The following CEP170 variants were observed in gnomAD, a reference collection of about 807,000 sequenced individuals.
CEP170 encodes the protein centrosomal protein 170, also known as centrosomal protein of 170 kDa.
In CEP170, 21 loss-of-function variants were observed where a neutral mutation model predicts 151.9. That is an observed-to-expected ratio of 0.14 (90% confidence interval 0.10 to 0.20). CEP170 has a LOEUF of 0.20. Ranked by LOEUF, CEP170 falls within the 10% of genes least tolerant of loss-of-function variation. The pLI is 1.00. For missense variants in CEP170, 964 were observed against 1,892.9 expected (o/e 0.51, Z 9.11); for synonymous variants, 356 against 648.8 (o/e 0.55, Z 6.86).
At position 243,225,897 on chromosome 1, in the gene CEP170, C is replaced by G. The variant is rs548424060; in HGVS notation, c.-41-576G>C. 1.7e-4 allele frequency among the ~76,000 whole-genome samples: 26 copies of G among 151,542 alleles called. No individual in the cohort carries two copies. The South Asian group carries it at 5.2e-3, about 30-fold the overall frequency. On this transcript the variant is annotated intron_variant, in intron 1 of 19. Coordinates refer to ENST00000366542, the MANE Select transcript of CEP170 (RefSeq NM_014812.3). ...CCTAGAACAGCAATTCTGAAACATT[C>G]TGTTCTTGGGACCCTTTTATACTCT...
At position 243,185,433 on chromosome 1, in the gene CEP170, C is replaced by T. The variant is rs1442339325; in HGVS notation, c.1566+346G>A. Among the ~76,000 whole-genome samples, 1 of 152,156 alleles carries T rather than the reference C, an allele frequency of 6.6e-6. No individual in the cohort carries two copies. The highest frequency in any genetic ancestry group is 1.5e-5 in the Non-Finnish European group (1 of 68,026). ...TACATTTATGTTAACAGAGTTATAGCAATGTTTGTTGGTTGTTTCTTTTTA... is the reference window on the plus strand; with the variant it reads ...TACATTTATGTTAACAGAGTTATAGTAATGTTTGTTGGTTGTTTCTTTTTA... On this transcript the variant is annotated intron_variant, in intron 10 of 19. Coordinates refer to ENST00000366542, the MANE Select transcript of CEP170 (RefSeq NM_014812.3). This position sits in a 1 kb window ranked among gnomAD's most constrained non-coding sequence, Gnocchi z 4.9.
chr1:243,217,767 G>A (rs568224838), intron 3 of CEP170, among the ~76,000 whole-genome samples: 3 of 152,286 alleles, frequency 2.0e-5, no homozygotes, highest in East Asian at 1.9e-4. Flanking sequence ...AATGAGTTTT[G>A]TTTCTTTGTC....
At chr1:243,184,729 T>G (rs547383577) in intron 10 of CEP170, among the ~76,000 whole-genome samples, 1 of 152,026 alleles carries the variant, frequency 6.6e-6, no homozygotes, top group Non-Finnish European at 1.5e-5. Flanking sequence ...CCCAAAGGGT[T>G]ATCTTATCTT....
chr1:243,207,155 GAAC>G (rs955718799), intron 4 of CEP170, among the ~76,000 whole-genome samples: 1 of 152,070 alleles, frequency 6.6e-6, no homozygotes, highest in Non-Finnish European at 1.5e-5. Flanking sequence ...AAAAAAGTAA[GAAC>G]AACTATATGC....
At chr1:243,234,163 C>G (rs1249885620) in intron 1 of CEP170, among the ~76,000 whole-genome samples, 1 of 152,076 alleles carries the variant, frequency 6.6e-6, no homozygotes, top group Non-Finnish European at 1.5e-5. Context: ...AAATAGCTGG[C>G]CTCACATTAG....
At chr1:243,173,866 C>A (rs556263473) in intron 10 of CEP170, among the ~76,000 whole-genome samples, 1 of 151,930 alleles carries the variant, frequency 6.6e-6, no homozygotes, top group Admixed American at 6.6e-5. Flanking sequence ...GTTGAAAAAC[C>A]ATAAACATGT....
At chr1:243,152,601 G>A (rs552701509) in intron 14 of CEP170, among the ~76,000 whole-genome samples, 2 of 124,096 alleles carry the variant, frequency 1.6e-5, no homozygotes, top group South Asian at 2.8e-4. Flanking sequence ...GCACAATCTC[G>A]GCTCACTGCA....
At chr1:243,221,906 T>A in intron 2 of CEP170, 93 bp from the exon 3 acceptor site, 2 of 1,039,730 alleles carry the variant, frequency 1.9e-6, no homozygotes, top group Non-Finnish European at 2.8e-6. Flanking sequence ...AATAGGACAG[T>A]AAATATAGGG....
chr1:243,127,945 T>C (rs1999954), intron 19 of CEP170, among the ~76,000 whole-genome samples: 2,723 of 151,712 alleles, frequency 0.018, 36 homozygotes, highest in Middle Eastern at 0.034. Flanking sequence ...AACTTTATTA[T>C]ATATTTTTCA....
chr1:243,222,255 A>G (rs1456427971), intron 2 of CEP170, among the ~76,000 whole-genome samples: 2 of 152,242 alleles, frequency 1.3e-5, no homozygotes, highest in East Asian at 3.8e-4. Flanking sequence ...TTTAGAGGAA[A>G]AGGGACACAA....
chr1:243,150,930 T>A (rs1323611887), intron 14 of CEP170, among the ~76,000 whole-genome samples: 2 of 152,102 alleles, frequency 1.3e-5, no homozygotes, highest in Non-Finnish European at 2.9e-5. Flanking sequence ...GTGGTCGAGT[T>A]GGGTTTGAAT....
chr1:243,161,479 T>C (rs1558457531), intron 13 of CEP170, among the ~76,000 whole-genome samples: 1 of 151,678 alleles, frequency 6.6e-6, no homozygotes, highest in Non-Finnish European at 1.5e-5. Flanking sequence ...TAAAAAAAAC[T>C]TTTTTTTAAT....
intron 3 of CEP170, among the ~76,000 whole-genome samples, chr1:243,218,640 A>G (rs369208285): frequency 6.6e-6 from 1 of 152,186 alleles, no homozygotes; most frequent in Admixed American, 6.5e-5. Context: ...TGATTTTTCT[A>G]AACAGTAACA....
intron 13 of CEP170, 65 bp downstream of exon 13, chr1:243,164,219 A>G: frequency 6.6e-6 from 8 of 1,213,082 alleles, no homozygotes; most frequent in Non-Finnish European, 8.5e-6. Flanking sequence ...TTTTTTTTTA[A>G]AAAAAAAAAG....
intron 14 of CEP170, among the ~76,000 whole-genome samples, chr1:243,154,405 G>A (rs2057376249): frequency 6.6e-6 from 1 of 152,064 alleles, no homozygotes; most frequent in South Asian, 2.1e-4. Context: ...CTCACCCTAA[G>A]CAAACTTATC....
intron 4 of CEP170, among the ~76,000 whole-genome samples, chr1:243,209,823 G>T (rs2061663357): frequency 6.6e-6 from 1 of 151,908 alleles, no homozygotes; most frequent in African/African-American, 2.4e-5. Flanking sequence ...CTCCTGAGTT[G>T]CTGGGAGTAC....
chr1:243,215,256 G>A (rs1281195082), intron 3 of CEP170, among the ~76,000 whole-genome samples: 2 of 152,140 alleles, frequency 1.3e-5, no homozygotes, highest in Non-Finnish European at 2.9e-5. Flanking sequence ...TAAACAATAT[G>A]AAATCTGGGC....
At chr1:243,171,671 G>C (rs986671632) in intron 11 of CEP170, among the ~76,000 whole-genome samples, 5 of 152,046 alleles carry the variant, frequency 3.3e-5, no homozygotes, top group African/African-American at 1.2e-4. Context: ...CATCAATGTG[G>C]TATGAAATTC....
chr1:243,173,137 C>T (rs577005352), intron 10 of CEP170, among the ~76,000 whole-genome samples: 55 of 151,738 alleles, frequency 3.6e-4, no homozygotes, highest in African/African-American at 1.2e-3. Flanking sequence ...CTCGGCTCAC[C>T]GCAACCTCCG....
Sources: allele counts gnomAD v4.1 joint callset (sites outside exome capture counted in the v4.1 genomes callset), GRCh38; gene constraint gnomAD v4.1.1; non-coding constraint Gnocchi (gnomAD v3.1); transcripts MANE v1.5; gene names NCBI Gene and HGNC (gene_info 2026-07-23, HGNC 2026-07-21).